The following PIAS1 variants were observed in gnomAD, a reference collection of about 807,000 sequenced individuals.
The protein encoded by PIAS1 is E3 SUMO-protein ligase PIAS1.
In PIAS1, 6 loss-of-function variants were observed where a neutral mutation model predicts 71.3. The observed-to-expected ratio is 0.08, with a 90% CI of 0.05 to 0.17. The LOEUF (loss-of-function observed/expected upper bound fraction) is 0.17. Among genes scored for constraint, PIAS1 ranks in the 10% least tolerant of loss-of-function variants. The probability of loss-of-function intolerance (pLI) is 1.00; values close to 1 mark genes in which losing one functional copy is unlikely to be tolerated. For missense variants in PIAS1, 555 were observed against 793.6 expected, an observed-to-expected ratio of 0.70 and a Z score of 3.61; for synonymous variants, 303 against 292.9, an observed-to-expected ratio of 1.03 and a Z score of -0.35.
Position 68,189,780 on chromosome 15 carries a change from A to T in PIAS1, c.*1945A>T, listed in dbSNP as rs1027608038. The T allele has an allele frequency of 1.3e-5, 2 of 152,176 alleles. No individual in the cohort carries two copies. Among genetic ancestry groups the T allele is most frequent in the African/African-American group, 4.8e-5 (2 of 41,430 alleles). 9.4% of individuals were successfully genotyped at this position (152,176 alleles called of 1,614,324 possible). On this transcript the variant is annotated 3_prime_UTR_variant, in exon 14 of 14. Transcript: ENST00000249636. ...CAATTTGCAATAAAAAAAAAACCAAAACAGATTGTCAGTTAACCAGGAAAC... is the reference window on the plus strand; with the variant it reads ...CAATTTGCAATAAAAAAAAAACCAATACAGATTGTCAGTTAACCAGGAAAC...
intron 8 of PIAS1, among the ~76,000 whole-genome samples, chr15:68,170,817 T>G (rs1165389684): frequency 1.3e-5 from 2 of 152,102 alleles, no homozygotes; most frequent in Non-Finnish European, 2.9e-5. Context: ...ATTTTTGTAT[T>G]TTTAGTAGAG....
chr15:68,154,467 A>G (rs576937288), intron 7 of PIAS1, among the ~76,000 whole-genome samples: 6 of 152,316 alleles, frequency 3.9e-5, no homozygotes, highest in South Asian at 4.1e-4. Flanking sequence ...TTAGATAGCT[A>G]TCCTTTAAGG....
Position 68,054,954 on chromosome 15 carries a change from G to A in PIAS1, c.24+604G>A, listed in dbSNP as rs1033645600. On this transcript the variant is annotated intron_variant, in intron 1 of 13. Transcript: ENST00000249636. This position sits in a 1 kb window ranked among gnomAD's most constrained non-coding sequence, Gnocchi z 4.6. The stretch of plus-strand genomic sequence containing the variant: ...GGGAAGCGCGATCCCGGGGCGATAG[G>A]GTGGGGATCTGGGGGAGAAGCTCTG... The A allele has an allele frequency of 1.3e-5, 2 of 152,390 alleles. No individual in the cohort carries two copies. Among genetic ancestry groups the A allele is most frequent in the African/African-American group, 2.4e-5 (1 of 41,466 alleles). The allele number at this position is 152,390 out of a possible 1,614,324, so 9.4% of individuals were successfully genotyped here. A position where few individuals can be genotyped will look rare whatever the true frequency, so the allele number is the denominator to read the frequency against.
At chr15:68,066,055 T>C (rs2092021126) in intron 1 of PIAS1, among the ~76,000 whole-genome samples, 1 of 150,594 alleles carries the variant, frequency 6.6e-6, no homozygotes, top group Admixed American at 6.7e-5. Flanking sequence ...GCACCTGGCT[T>C]GAAGTACTTG....
At chr15:68,147,098 T>A (rs937174457) in intron 6 of PIAS1, among the ~76,000 whole-genome samples, 2 of 152,200 alleles carry the variant, frequency 1.3e-5, no homozygotes, top group Non-Finnish European at 2.9e-5. Flanking sequence ...TAACTTTGCA[T>A]GCATATGATA....
intron 1 of PIAS1, among the ~76,000 whole-genome samples, chr15:68,071,037 T>A (rs1287818936): frequency 6.6e-6 from 1 of 152,216 alleles, no homozygotes; most frequent in Non-Finnish European, 1.5e-5. Context: ...TTACTGCTCA[T>A]AAGTAGAATG....
At chr15:68,149,957 A>G (rs1031163100) in intron 6 of PIAS1, among the ~76,000 whole-genome samples, 2 of 152,122 alleles carry the variant, frequency 1.3e-5, no homozygotes, top group South Asian at 2.1e-4. Flanking sequence ...TAATGTTGCT[A>G]TTAATTTTGA....
At chr15:68,112,272 A>G (rs2092529299) in intron 2 of PIAS1, among the ~76,000 whole-genome samples, 1 of 152,158 alleles carries the variant, frequency 6.6e-6, no homozygotes, top group Admixed American at 6.5e-5. Flanking sequence ...TACATTATCA[A>G]TTTTTTGCCT....
At chr15:68,164,968 T>G (rs955092405) in intron 8 of PIAS1, among the ~76,000 whole-genome samples, 164 bp downstream of exon 8, 13 of 152,332 alleles carry the variant, frequency 8.5e-5, no homozygotes, top group South Asian at 6.2e-4. Context: ...ATTTGGAATC[T>G]AAACAAGTCT....
intron 1 of PIAS1, among the ~76,000 whole-genome samples, chr15:68,060,073 T>G (rs2091941038): frequency 6.6e-6 from 1 of 152,206 alleles, no homozygotes; most frequent in Non-Finnish European, 1.5e-5. Context: ...AAGCAAACAT[T>G]ACTTCAGCAT....
intron 1 of PIAS1, among the ~76,000 whole-genome samples, chr15:68,077,051 G>A (rs1252845414): frequency 6.6e-6 from 1 of 152,172 alleles, no homozygotes; most frequent in African/African-American, 2.4e-5. Flanking sequence ...TAAAAAAATT[G>A]TATTCGAGGA....
At chr15:68,141,424 A>G (rs998500505) in intron 2 of PIAS1, among the ~76,000 whole-genome samples, 4 of 152,076 alleles carry the variant, frequency 2.6e-5, no homozygotes, top group African/African-American at 9.7e-5. Context: ...GAACTCATCT[A>G]AGATTAGGAG....
At chr15:68,087,617 C>T (rs1159522314) in intron 2 of PIAS1, among the ~76,000 whole-genome samples, 1 of 151,892 alleles carries the variant, frequency 6.6e-6, no homozygotes, top group Non-Finnish European at 1.5e-5. Context: ...AGGAAAGAAA[C>T]AAAAACAAAG....
At chr15:68,129,174 C>T (rs1198199178) in intron 2 of PIAS1, among the ~76,000 whole-genome samples, 4 of 152,072 alleles carry the variant, frequency 2.6e-5, no homozygotes. Context: ...CAGCCCTTCC[C>T]ACCTCACCCT....
At chr15:68,175,807 GCT>G in intron 10 of PIAS1, 40 bp downstream of exon 10, 1 of 1,424,570 alleles carries the variant, frequency 7.0e-7, no homozygotes, top group East Asian at 2.5e-5. Context: ...TCTCCCTACT[GCT>G]CTAAGTCTGG....
At chr15:68,065,877 A>C (rs1198351358) in intron 1 of PIAS1, among the ~76,000 whole-genome samples, 1 of 125,368 alleles carries the variant, frequency 8.0e-6, no homozygotes, top group East Asian at 2.5e-4. Flanking sequence ...AGTAGCTAGG[A>C]CTTCAGGTGC....
chr15:68,069,552 C>G (rs922465885), intron 1 of PIAS1, among the ~76,000 whole-genome samples: 2 of 152,090 alleles, frequency 1.3e-5, no homozygotes, highest in Non-Finnish European at 2.9e-5. Flanking sequence ...CCTGTAATCC[C>G]AGCACTTTGG....
In PIAS1 at chr15:68,181,277, C is replaced by T. The variant is rs1367432283; in HGVS notation, c.1547C>T (p.Thr516Ile). ...ACCCCAAGCCTTCCTGCTGTAGACACAAGCTACATTAATACCTCCCTCATC... is the reference window on the plus strand; with the variant it reads ...ACCCCAAGCCTTCCTGCTGTAGACATAAGCTACATTAATACCTCCCTCATC... Reference protein sequence around the residue: ...SRTPSLPAVDTSYINTSLIQD... With the variant: ...SRTPSLPAVDISYINTSLIQD... Residue 516 changes from threonine (T) to isoleucine (I), a missense_variant, in exon 12 of 14, where the codon ACA becomes ATA. This residue lies in a region of PIAS1 where 244 missense variants were observed against 307.5 expected (regional missense o/e 0.79). Transcript: ENST00000249636. 2 of 1,613,256 alleles carry T rather than the reference C, an allele frequency of 1.2e-6. No homozygotes were observed. Among genetic ancestry groups the T allele is most frequent in the African/African-American group, 2.7e-5 (2 of 75,034 alleles).
intron 1 of PIAS1, among the ~76,000 whole-genome samples, chr15:68,057,975 G>T (rs1382915765): frequency 1.3e-5 from 2 of 152,170 alleles, no homozygotes; most frequent in South Asian, 2.1e-4. Context: ...GCTTAGTGGC[G>T]AGTCCATAGC....
Sources: gnomAD v4.1 joint callset for allele counts (sites outside exome capture counted in the v4.1 genomes callset) on GRCh38, gnomAD v4.1.1 for gene constraint, gnomAD v4.1.1 regional missense constraint, Gnocchi (gnomAD v3.1) non-coding constraint, MANE v1.5 for transcripts, NCBI Gene and HGNC (gene_info 2026-07-23, HGNC 2026-07-21) for gene names.